Variants in STK32C observed in about 807,000 individuals in gnomAD.
STK32C encodes serine/threonine-protein kinase 32C.
A neutral mutation model predicts 56.5 loss-of-function variants in STK32C; 31 were observed. The ratio of observed to expected loss-of-function variants is 0.55; its 90% CI spans 0.41 to 0.74. The LOEUF is 0.74. STK32C is among the 30% of genes least tolerant of loss of function. STK32C has a pLI of 0.00. For missense variants in STK32C, 544 were observed against 676.9 expected (o/e 0.80, Z 2.18); for synonymous variants, 309 against 289.4 (o/e 1.07, Z -0.69).
chr10:132,279,150 A>G (rs1018989875), intron 1 of STK32C, among the ~76,000 whole-genome samples: 7 of 152,178 alleles, frequency 4.6e-5, no homozygotes, highest in African/African-American at 1.7e-4. Flanking sequence ...AATGATTGCA[A>G]CTGTGAAGTT....
chr10:132,271,492 C>T (rs1202240307), intron 1 of STK32C, among the ~76,000 whole-genome samples: 4 of 152,100 alleles, frequency 2.6e-5, no homozygotes, highest in Non-Finnish European at 4.4e-5. Flanking sequence ...GAGGCTGGCC[C>T]CACACCTGGC....
chr10:132,330,191 T>A lies in STK32C; in HGVS notation c.301+1245A>T, dbSNP rs977017924. 6.1e-6 allele frequency: 3 copies of A among 489,580 alleles called. No individual in the cohort carries two copies. The East Asian group carries it at 1.1e-4, about 18-fold the overall frequency. The allele number at this position is 489,580 out of a possible 1,614,324, so 30.3% of individuals were successfully genotyped here. On this transcript the variant is annotated intron_variant, in intron 1 of 1. Transcript: ENST00000368619. ...CACAGTAAAGGGCAAAACATGCTCG[T>A]ACATACAATTAACTACTGACTACAA... is the stretch of plus-strand genomic sequence containing the variant.
intron 2 of STK32C, among the ~76,000 whole-genome samples, chr10:132,231,192 G>C (rs569650150): frequency 2.0e-5 from 3 of 152,186 alleles, no homozygotes; most frequent in African/African-American, 7.2e-5. Context: ...GAGCCACCTC[G>C]AGACAGGGCC....
intron 1 of STK32C, among the ~76,000 whole-genome samples, chr10:132,259,220 A>G (rs1424040958): frequency 6.6e-6 from 1 of 152,012 alleles, no homozygotes; most frequent in African/African-American, 2.4e-5. Flanking sequence ...GCCCTGCAGG[A>G]CCCTCCTTCC....
chr10:132,226,903 C>A lies in STK32C; in HGVS notation c.536G>T (p.Arg179Leu). Reference sequence around the variant, plus strand: ...CTGCACGTTCTGCTGCAGGTGGTAGCGCAGGTCCCCGCCCAGTAGCAGGTC... The same window carrying A: ...CTGCACGTTCTGCTGCAGGTGGTAGAGCAGGTCCCCGCCCAGTAGCAGGTC... ...VVDLLLGGDL[R>L]YHLQQNVQFS... is the part of the protein sequence containing the mutation. Residue 179 changes from arginine (R) to leucine (L), a missense_variant, in exon 4 of 12, where the codon CGC becomes CTC. Physicochemically the swap from Arg to Leu is moderately radical, Grantham distance 102. Around this residue, in one of 3 missense-constraint regions of STK32C, gnomAD observed 85 missense variants for 149.9 expected, o/e 0.57. Coordinates refer to ENST00000298630, the MANE Select transcript of STK32C (RefSeq NM_173575.4). 1 of 1,613,462 alleles carries A rather than the reference C, an allele frequency of 6.2e-7. No individual in the cohort carries two copies. Among genetic ancestry groups the A allele is most frequent in the Non-Finnish European group, 8.5e-7 (1 of 1,180,032 alleles).
chr10:132,294,449 A>G (rs529519662), intron 1 of STK32C, among the ~76,000 whole-genome samples: 1 of 152,208 alleles, frequency 6.6e-6, no homozygotes, highest in Admixed American at 6.5e-5. Context: ...GCAGGGAGTG[A>G]GTGAGTTTGA....
At chr10:132,279,058 C>T (rs1173844504) in intron 1 of STK32C, among the ~76,000 whole-genome samples, 3 of 152,048 alleles carry the variant, frequency 2.0e-5, no homozygotes, top group Non-Finnish European at 4.4e-5. Flanking sequence ...GGGCGGGGGA[C>T]GGGGCATATA....
chr10:132,312,066 G>T (rs1177691750), upstream of STK32C, among the ~76,000 whole-genome samples: 1 of 152,158 alleles, frequency 6.6e-6, no homozygotes, highest in African/African-American at 2.4e-5. Flanking sequence ...GAGTGCAGTG[G>T]TGCTATCATG....
At chr10:132,332,002 C>T (rs894388661), upstream of STK32C, among the ~76,000 whole-genome samples, 2 of 149,514 alleles carry the variant, frequency 1.3e-5, no homozygotes, top group Non-Finnish European at 3.0e-5. Flanking sequence ...ACACCCGACC[C>T]CCTGCCGCGC....
intron 1 of STK32C, among the ~76,000 whole-genome samples, chr10:132,260,283 C>A (rs960609354): frequency 1.3e-5 from 2 of 152,204 alleles, no homozygotes; most frequent in Non-Finnish European, 2.9e-5. Flanking sequence ...AAAGCCCACC[C>A]CCAGAGTCCG....
chr10:132,227,630 T>C (rs1487299087), intron 3 of STK32C, among the ~76,000 whole-genome samples: 1 of 151,616 alleles, frequency 6.6e-6, no homozygotes, highest in Non-Finnish European at 1.5e-5. Flanking sequence ...GTGATGGTGA[T>C]GGTGATGACA....
intron 1 of STK32C, among the ~76,000 whole-genome samples, chr10:132,316,436 G>A (rs1465929767): frequency 6.6e-6 from 1 of 152,070 alleles, no homozygotes; most frequent in African/African-American, 2.4e-5. Flanking sequence ...AACATAGTGA[G>A]ACCCAGTCTC....
At chr10:132,305,292 AG>A (rs1442387308) in intron 1 of STK32C, among the ~76,000 whole-genome samples, 3 of 152,252 alleles carry the variant, frequency 2.0e-5, no homozygotes, top group African/African-American at 7.2e-5. Flanking sequence ...GGAGTCCACA[AG>A]GATTAAAAGG....
intron 10 of STK32C, among the ~76,000 whole-genome samples, chr10:132,214,871 A>T (rs2062420887): frequency 6.6e-6 from 1 of 152,274 alleles, no homozygotes; most frequent in Admixed American, 6.5e-5. Flanking sequence ...AAAAAGAAGT[A>T]TAATTAACAG....
intron 1 of STK32C, among the ~76,000 whole-genome samples, chr10:132,299,938 G>C (rs772550147): frequency 7.9e-5 from 12 of 152,258 alleles, no homozygotes; most frequent in Non-Finnish European, 1.3e-4. Flanking sequence ...CGCTGGCACA[G>C]GGAGAGGCAG....
At chr10:132,264,783 C>T (rs554509962) in intron 1 of STK32C, among the ~76,000 whole-genome samples, 5 of 152,272 alleles carry the variant, frequency 3.3e-5, no homozygotes, top group Non-Finnish European at 7.4e-5. Flanking sequence ...TTTTTCAAGA[C>T]GAGTTTCCTC....
At chr10:132,284,235 G>C (rs901617546) in intron 1 of STK32C, among the ~76,000 whole-genome samples, 2 of 149,930 alleles carry the variant, frequency 1.3e-5, no homozygotes, top group African/African-American at 5.0e-5. Context: ...AGCCCCGCAG[G>C]AAACGGGCAG....
intron 2 of STK32C, among the ~76,000 whole-genome samples, chr10:132,241,889 T>C (rs1015979121): frequency 6.6e-6 from 1 of 152,058 alleles, no homozygotes. Flanking sequence ...GGCAGATCTC[T>C]TGAGGTCACG....
intron 1 of STK32C, chr10:132,249,098 G>C (rs1469071180): frequency 4.2e-6 from 2 of 475,028 alleles, no homozygotes; most frequent in Non-Finnish European, 8.4e-6. Context: ...GGAGGCAGCA[G>C]CAAGGCGCAT....
Sources: allele counts gnomAD v4.1 joint callset (sites outside exome capture counted in the v4.1 genomes callset), GRCh38; gene constraint gnomAD v4.1.1; regional missense constraint gnomAD v4.1.1; transcripts MANE v1.5; gene names NCBI Gene and HGNC (gene_info 2026-07-23, HGNC 2026-07-21).